The following WDR41 variants were observed in gnomAD, a reference collection of about 807,000 sequenced individuals.
WDR41 encodes the protein WD repeat-containing protein 41.
A neutral mutation model predicts 69.3 loss-of-function variants in WDR41; 63 were observed. The observed-to-expected ratio is 0.91, with a 90% CI of 0.74 to 1.12. The LOEUF (loss-of-function observed/expected upper bound fraction) is 1.12, where lower values mean the gene tolerates loss of function less well. WDR41 is among the 50% of genes most tolerant of loss of function. WDR41 has a pLI of 0.00. For missense variants in WDR41, 543 were observed against 534.5 expected (o/e 1.02, Z -0.16); for synonymous variants, 185 against 192.1 (o/e 0.96, Z 0.31).
intron 2 of WDR41, among the ~76,000 whole-genome samples, chr5:77,471,374 A>T (rs1800600041): frequency 6.6e-6 from 1 of 152,222 alleles, no homozygotes; most frequent in African/African-American, 2.4e-5. Context: ...GAACTAGAAA[A>T]GCAAGAGCAA....
At chr5:77,434,502 G>A (rs935887609) in intron 12 of WDR41, among the ~76,000 whole-genome samples, 2 of 151,436 alleles carry the variant, frequency 1.3e-5, no homozygotes, top group African/African-American at 4.9e-5. Context: ...AAATAGAAAT[G>A]AGGACCAGCC....
At chr5:77,517,631 C>T (rs1802309222) in intron 1 of WDR41, among the ~76,000 whole-genome samples, 2 of 141,188 alleles carry the variant, frequency 1.4e-5, no homozygotes, top group African/African-American at 2.7e-5. Context: ...ATTTATTGAA[C>T]ATATATATAT....
At chr5:77,501,743 G>C (rs1021713715) in intron 1 of WDR41, among the ~76,000 whole-genome samples, 1 of 152,036 alleles carries the variant, frequency 6.6e-6, no homozygotes, top group Non-Finnish European at 1.5e-5. Flanking sequence ...AGGCAAACAG[G>C]GTCTGGAGTG....
intron 12 of WDR41, among the ~76,000 whole-genome samples, chr5:77,435,833 A>C (rs543637985): frequency 6.6e-6 from 1 of 152,338 alleles, no homozygotes; most frequent in East Asian, 1.9e-4. Context: ...CTAACAAACT[A>C]TTATCCTTCA....
At chr5:77,480,867 A>G (rs689657) in intron 2 of WDR41, among the ~76,000 whole-genome samples, 1 of 151,552 alleles carries the variant, frequency 6.6e-6, no homozygotes, top group Non-Finnish European at 1.5e-5. Context: ...TACCAAAAAA[A>G]TCTGTGTGAC....
intron 1 of WDR41, among the ~76,000 whole-genome samples, chr5:77,613,737 A>G (rs1744614792): frequency 6.6e-6 from 1 of 152,244 alleles, no homozygotes; most frequent in Non-Finnish European, 1.5e-5. Context: ...AGGCATGGGC[A>G]AGGACTTCAT....
At chr5:77,441,739 A>AACACACAC (rs112452862) in intron 8 of WDR41, among the ~76,000 whole-genome samples, 99 of 150,422 alleles carry the variant, frequency 6.6e-4, no homozygotes, top group Middle Eastern at 6.8e-3. Context: ...CTCAGTCTAA[A>AACACACAC]ACACACACAC....
At chr5:77,434,090 G>A (rs558414127) in intron 12 of WDR41, among the ~76,000 whole-genome samples, 1 of 152,326 alleles carries the variant, frequency 6.6e-6, no homozygotes, top group Non-Finnish European at 1.5e-5. Context: ...AGCACTTCGG[G>A]AGGCTGAGGT....
At chr5:77,577,220 A>G (rs1420398832) in intron 1 of WDR41, among the ~76,000 whole-genome samples, 1 of 152,248 alleles carries the variant, frequency 6.6e-6, no homozygotes, top group East Asian at 1.9e-4. Flanking sequence ...GGAAGAATAA[A>G]TTCACAATCC....
intron 1 of WDR41, among the ~76,000 whole-genome samples, chr5:77,573,494 T>C (rs946469670): frequency 2.6e-5 from 4 of 152,208 alleles, no homozygotes; most frequent in Non-Finnish European, 5.9e-5. Flanking sequence ...CACAGAAGAA[T>C]GAAATATGAA....
chr5:77,461,709 G>T (rs1256010273), intron 4 of WDR41, among the ~76,000 whole-genome samples: 1 of 151,980 alleles, frequency 6.6e-6, no homozygotes, highest in African/African-American at 2.4e-5. Flanking sequence ...GTGGTGGCAG[G>T]CGCCTGTAGT....
chr5:77,550,788 G>A (rs887118566), intron 1 of WDR41, among the ~76,000 whole-genome samples: 2 of 152,100 alleles, frequency 1.3e-5, no homozygotes, highest in Non-Finnish European at 2.9e-5. Flanking sequence ...GTACTCATAT[G>A]TTCATCACAG....
At chr5:77,522,329 G>A (rs1285060675) in intron 1 of WDR41, among the ~76,000 whole-genome samples, 1 of 152,156 alleles carries the variant, frequency 6.6e-6, no homozygotes, top group African/African-American at 2.4e-5. Context: ...GAATGCCAGG[G>A]AAGAAGGAAT....
rs987590992 is a variant in WDR41 at position 77,433,062 on chromosome 5, A to G, written c.*73T>C. The G allele has an allele frequency of 6.8e-7, 1 of 1,460,340 alleles. No individual in the cohort carries two copies. Among genetic ancestry groups the G allele is most frequent in the African/African-American group, 1.4e-5 (1 of 69,866 alleles). 90.5% of individuals were successfully genotyped at this position (1,460,340 alleles called of 1,614,324 possible). A position where few individuals can be genotyped will look rare whatever the true frequency, so the allele number is the denominator to read the frequency against. ...AATTACCAATTTAAGTGATCAATAT[A>G]TTAATGGTTTTCAGAGTAGTACCCG... is the stretch of plus-strand genomic sequence containing the variant. On this transcript the variant is annotated 3_prime_UTR_variant, in exon 13 of 13. Transcript: ENST00000296679.
chr5:77,604,253 T>C (rs752645360), intron 1 of WDR41, among the ~76,000 whole-genome samples: 2 of 152,198 alleles, frequency 1.3e-5, no homozygotes, highest in Non-Finnish European at 2.9e-5. Context: ...ATTTCTTTCA[T>C]CAGTGTTTTG....
At chr5:77,583,247 C>T (rs540898755) in intron 1 of WDR41, 16 of 634,736 alleles carry the variant, frequency 2.5e-5, no homozygotes, top group East Asian at 5.5e-5. Context: ...ACAGGCCAGG[C>T]GCCGTCCCTG....
Position 77,436,404 on chromosome 5 carries a change from G to T in WDR41, c.1094-10C>A, listed in dbSNP as rs374291603. On this transcript the variant is annotated splice_polypyrimidine_tract_variant and intron_variant, in intron 11 of 12. Transcript: ENST00000296679. ...CACATGTTAAAAAAACCTAGAAAAA[G>T]AATCATTTCCAAAATTACTGTGCTC... The T allele has an allele frequency of 6.2e-7, 1 of 1,613,286 alleles. No homozygotes were observed. Among genetic ancestry groups the T allele is most frequent in the East Asian group, 2.2e-5 (1 of 44,846 alleles).
chr5:77,616,973 A>G lies in WDR41; in HGVS notation c.42+3506T>C, dbSNP rs568567090. 8.5e-5 allele frequency among the ~76,000 whole-genome samples: 13 copies of G among 152,302 alleles called. No homozygotes were observed. The East Asian group carries it at 2.3e-3, about 27-fold the overall frequency. On this transcript the variant is annotated intron_variant, in intron 1 of 5. Coordinates refer to the WDR41 transcript ENST00000509971. ...CTAGGCCAAGTTCCTACTTACATGC[A>G]TTTCTTCAACGGCCTTCAGGGACAC...
chr5:77,527,146 A>T (rs898303811), intron 1 of WDR41, among the ~76,000 whole-genome samples: 2 of 152,160 alleles, frequency 1.3e-5, no homozygotes, highest in South Asian at 4.1e-4. Flanking sequence ...CAGAAATACC[A>T]GTAATTGCGA....
Sources: gnomAD v4.1 joint callset for allele counts (sites outside exome capture counted in the v4.1 genomes callset) on GRCh38, gnomAD v4.1.1 for gene constraint, MANE v1.5 for transcripts, NCBI Gene and HGNC (gene_info 2026-07-23, HGNC 2026-07-21) for gene names.